PCCA: variants seen among roughly 807,000 people sequenced by gnomAD.
PCCA encodes the protein propionyl-CoA carboxylase subunit alpha, also known as propionyl-CoA carboxylase alpha chain, mitochondrial.
A neutral mutation model predicts 101.3 loss-of-function variants in PCCA; 74 were observed. The ratio of observed to expected loss-of-function variants is 0.73; its 90% CI spans 0.61 to 0.89. PCCA has a LOEUF of 0.89. Among genes scored for constraint, PCCA ranks in the 40% least tolerant of loss-of-function variants. The pLI is 0.00. For synonymous variants in PCCA, 294 were observed against 313.6 expected, an observed-to-expected ratio of 0.94 and a Z score of 0.66; for missense variants, 891 against 907.0, an observed-to-expected ratio of 0.98 and a Z score of 0.23.
intron 2 of PCCA, among the ~76,000 whole-genome samples, chr13:100,108,981 T>C (rs1010763331): frequency 1.3e-5 from 2 of 152,206 alleles, no homozygotes; most frequent in African/African-American, 4.8e-5. Flanking sequence ...TATGCGCTAA[T>C]TGGTAATACA....
chr13:100,224,433 C>T (rs2060025126), intron 7 of PCCA, among the ~76,000 whole-genome samples: 2 of 152,242 alleles, frequency 1.3e-5, no homozygotes, highest in Non-Finnish European at 2.9e-5. Flanking sequence ...GCGCCTCTCC[C>T]TCCACACCTC....
intron 21 of PCCA, among the ~76,000 whole-genome samples, chr13:100,457,119 T>C (rs1245046683): frequency 6.6e-6 from 1 of 152,204 alleles, no homozygotes; most frequent in Non-Finnish European, 1.5e-5. Context: ...TCCTAGGTTA[T>C]ATTAGTAATG....
intron 19 of PCCA, among the ~76,000 whole-genome samples, chr13:100,407,170 A>G (rs1310926402): frequency 2.0e-5 from 3 of 152,222 alleles, no homozygotes; most frequent in Non-Finnish European, 4.4e-5. Context: ...AATCCCATAC[A>G]ATTTGGGAAC....
intron 8 of PCCA, among the ~76,000 whole-genome samples, chr13:100,248,743 A>G (rs2061589902): frequency 6.6e-6 from 1 of 151,914 alleles, no homozygotes; most frequent in African/African-American, 2.4e-5. Flanking sequence ...TCTAGAACTT[A>G]TGTCTTTATT....
chr13:100,365,140 T>G (rs2075039758), intron 18 of PCCA, among the ~76,000 whole-genome samples: 1 of 152,208 alleles, frequency 6.6e-6, no homozygotes, highest in African/African-American at 2.4e-5. Context: ...TGCCTAACTC[T>G]GATACACTTT....
chr13:100,450,754 T>C (rs1046079753), intron 21 of PCCA, among the ~76,000 whole-genome samples: 28 of 152,362 alleles, frequency 1.8e-4, no homozygotes, highest in African/African-American at 6.5e-4. Flanking sequence ...ATAAAGTATA[T>C]GTATAGGTAC....
intron 10 of PCCA, among the ~76,000 whole-genome samples, chr13:100,264,710 C>T (rs2062817357): frequency 6.6e-6 from 1 of 151,952 alleles, no homozygotes; most frequent in South Asian, 2.1e-4. Flanking sequence ...ATATACATCT[C>T]TAGGATAGAC....
At chr13:100,325,671 T>G (rs950692531) in intron 16 of PCCA, among the ~76,000 whole-genome samples, 1 of 152,184 alleles carries the variant, frequency 6.6e-6, no homozygotes, top group Admixed American at 6.5e-5. Context: ...TCTGCACTTA[T>G]CTGTGAAGCT....
chr13:100,338,986 T>C (rs1351483839), intron 17 of PCCA, among the ~76,000 whole-genome samples: 1 of 152,154 alleles, frequency 6.6e-6, no homozygotes, highest in Non-Finnish European at 1.5e-5. Context: ...AACTAGTTTT[T>C]TTCTTTTTTT....
intron 4 of PCCA, among the ~76,000 whole-genome samples, chr13:100,124,011 A>G (rs1323158383): frequency 6.6e-6 from 1 of 152,192 alleles, no homozygotes; most frequent in African/African-American, 2.4e-5. Flanking sequence ...AGTTTGGTGA[A>G]TAGTGAGAGC....
chr13:100,288,230 T>C (rs191112287), intron 12 of PCCA, among the ~76,000 whole-genome samples: 23 of 152,310 alleles, frequency 1.5e-4, no homozygotes, highest in Admixed American at 1.4e-3. Flanking sequence ...CTACTTAACA[T>C]CTCATATTAG....
chr13:100,459,126 G>A (rs1344580894), intron 21 of PCCA, among the ~76,000 whole-genome samples: 1 of 152,012 alleles, frequency 6.6e-6, no homozygotes, highest in African/African-American at 2.4e-5. Flanking sequence ...CTGTCACATG[G>A]CCTTCTTCCC....
At chr13:100,202,643 CT>C (rs1201939608) in intron 6 of PCCA, among the ~76,000 whole-genome samples, 4 of 149,768 alleles carry the variant, frequency 2.7e-5, no homozygotes, top group African/African-American at 9.8e-5. Flanking sequence ...AATATTTGCT[CT>C]TTTTTTTGCT....
In PCCA at chr13:100,483,430, A is replaced by G. The variant is rs529942305; in HGVS notation, c.1900-31997A>G. ...GGAGACACCTTTTGGCCAATGGGCC[A>G]GGATTCTTCCATTGCATCTTCAGCA... On this transcript the variant is annotated intron_variant, in intron 21 of 23. Transcript: ENST00000376285. Among the ~76,000 whole-genome samples, 69 of 152,338 alleles carry G rather than the reference A, an allele frequency of 4.5e-4. 1 individual carries two copies. The South Asian group carries it at 0.014, about 32-fold the overall frequency.
intron 22 of PCCA, among the ~76,000 whole-genome samples, chr13:100,523,919 C>T (rs916238489): frequency 7.2e-5 from 11 of 152,222 alleles, no homozygotes; most frequent in African/African-American, 2.2e-4. Context: ...CCTGCAGGAA[C>T]GGGCCCCGCA....
intron 8 of PCCA, among the ~76,000 whole-genome samples, chr13:100,250,590 T>C (rs1256475947): frequency 6.6e-6 from 1 of 152,188 alleles, no homozygotes; most frequent in Non-Finnish European, 1.5e-5. Flanking sequence ...TTGTAACAAC[T>C]GTTTTAAGAG....
chr13:100,306,527 A>T (rs1486265568), intron 14 of PCCA, among the ~76,000 whole-genome samples: 1 of 152,208 alleles, frequency 6.6e-6, no homozygotes, highest in African/African-American at 2.4e-5. Flanking sequence ...TCAGTGATGT[A>T]CTAACTCACT....
intron 12 of PCCA, among the ~76,000 whole-genome samples, chr13:100,295,652 G>A (rs2065468591): frequency 6.6e-6 from 1 of 152,278 alleles, no homozygotes; most frequent in Middle Eastern, 3.4e-3. Flanking sequence ...ATTTCAAAGT[G>A]CCACACTGAT....
chr13:100,338,013 TTTG>T lies in PCCA; in HGVS notation c.1541-2143_1541-2141del, dbSNP rs1171205253. ...ACTACTAAACAGTTTCTTTACACAG[TTTG>T]ATAAATATCAGTCCAGAACAGTTGT... On this transcript the variant is annotated intron_variant, in intron 17 of 23. Coordinates refer to ENST00000376285, the MANE Select transcript of PCCA (RefSeq NM_000282.4). Among the ~76,000 whole-genome samples, 386 of 152,334 alleles carry T rather than the reference TTTG, an allele frequency of 2.5e-3. 4 individuals carry two copies. The South Asian group carries it at 0.028, about 11-fold the overall frequency.
Sources: gnomAD v4.1 joint callset for allele counts (sites outside exome capture counted in the v4.1 genomes callset) on GRCh38, gnomAD v4.1.1 for gene constraint, MANE v1.5 for transcripts, NCBI Gene and HGNC (gene_info 2026-07-23, HGNC 2026-07-21) for gene names.